DNAH6: variants seen among roughly 807,000 people sequenced by gnomAD.
DNAH6 encodes the protein dynein axonemal heavy chain 6.
A neutral mutation model predicts 491.4 loss-of-function variants in DNAH6; 340 were observed. The observed-to-expected ratio is 0.69, with a 90% CI of 0.63 to 0.76. The LOEUF (loss-of-function observed/expected upper bound fraction) is 0.76. Ranked by LOEUF, DNAH6 falls within the 30% of genes least tolerant of loss-of-function variation. DNAH6 has a pLI of 0.00. For missense variants in DNAH6, 4,443 were observed against 4,972.2 expected (o/e 0.89, Z 3.20); for synonymous variants, 1,603 against 1,686.1 (o/e 0.95, Z 1.21).
intron 54 of DNAH6, 137 bp downstream of exon 54, chr2:84,707,853 C>T: frequency 1.6e-6 from 1 of 644,858 alleles, no homozygotes; most frequent in East Asian, 2.7e-5. Context: ...ATATATTTCA[C>T]AGCGCTTCAC....
At chr2:84,653,214 A>G in intron 33 of DNAH6, 105 bp from the exon 34 acceptor site, 3 of 975,516 alleles carry the variant, frequency 3.1e-6, no homozygotes, top group Non-Finnish European at 4.4e-6. Flanking sequence ...GAAGAGAAAG[A>G]TCAATGAGAA....
chr2:84,613,946 T>C (rs536532978), intron 22 of DNAH6, among the ~76,000 whole-genome samples: 2 of 152,244 alleles, frequency 1.3e-5, no homozygotes, highest in Admixed American at 1.3e-4. Flanking sequence ...TACTTTAAAT[T>C]ATCTCGTTAT....
At chr2:84,585,961 G>A (rs1046334950) in intron 15 of DNAH6, among the ~76,000 whole-genome samples, 5 of 152,168 alleles carry the variant, frequency 3.3e-5, no homozygotes, top group South Asian at 2.1e-4. Flanking sequence ...GGGCCTCACC[G>A]GGGACCCACC....
At chr2:84,741,833 A>G (rs1380429330) in intron 62 of DNAH6, among the ~76,000 whole-genome samples, 3 of 152,166 alleles carry the variant, frequency 2.0e-5, no homozygotes, top group African/African-American at 7.2e-5. Context: ...TCTCTGTACA[A>G]TCTTTAGGCA....
In DNAH6 at chr2:84,659,057, A is replaced by G; in HGVS notation, c.5972A>G (p.Gln1991Arg). Residue 1991 changes from glutamine (Q) to arginine (R), a missense_variant, in exon 37 of 77, where the codon CAG (glutamine) becomes CGG (arginine). Coordinates refer to ENST00000389394, the MANE Select transcript of DNAH6 (RefSeq NM_001370.2). ...ACAAAATTGAACACTATACTATGTC[A>G]GACTTTTGTATTCTGTTATTTGTGG... ...EQTKLNTILC[Q>R]TFVFCYLWSL... The G allele has an allele frequency of 6.8e-7, 1 of 1,475,554 alleles. No homozygotes were observed. Among genetic ancestry groups the G allele is most frequent in the South Asian group, 1.3e-5 (1 of 79,786 alleles). 91.4% of individuals were successfully genotyped at this position (1,475,554 alleles called of 1,614,324 possible).
chr2:84,788,307 G>A (rs935501037), intron 68 of DNAH6, among the ~76,000 whole-genome samples: 2 of 152,094 alleles, frequency 1.3e-5, no homozygotes, highest in African/African-American at 4.8e-5. Flanking sequence ...CCCTCTCCTA[G>A]AATCCTTGAT....
intron 38 of DNAH6, among the ~76,000 whole-genome samples, chr2:84,669,909 C>G (rs540265352): frequency 2.6e-5 from 4 of 152,248 alleles, no homozygotes; most frequent in African/African-American, 9.6e-5. Context: ...GCAGTGGTAT[C>G]CTTGACTATT....
At position 84,727,824 on chromosome 2, in the gene DNAH6, T is replaced by C. The variant is rs1290256146; in HGVS notation, c.10128T>C (p.Val3376=). 6.4e-7 allele frequency: 1 copy of C among 1,551,872 alleles called. No individual in the cohort carries two copies. The highest frequency in any genetic ancestry group is 8.7e-7 in the Non-Finnish European group (1 of 1,146,828). The change falls in exon 61 of 77, where the codon GTT becomes GTC. Residue 3376 remains valine (V), a synonymous_variant. Transcript: ENST00000389394. ...TCATCTACAGCTTTATGCTTTGTGT[T>C]GAGATGATGCGTCAGCAAGGAACCC... The part of the protein sequence containing the change: ...HKLIYSFMLC[V]EMMRQQGTLS...
chr2:84,765,594 A>T (rs1675002236), intron 64 of DNAH6, among the ~76,000 whole-genome samples: 1 of 152,098 alleles, frequency 6.6e-6, no homozygotes, highest in African/African-American at 2.4e-5. Flanking sequence ...AATGATCTGT[A>T]GTTTCCAAAC....
chr2:84,603,436 G>C (rs2104275839), intron 18 of DNAH6, among the ~76,000 whole-genome samples: 1 of 152,122 alleles, frequency 6.6e-6, no homozygotes, highest in East Asian at 1.9e-4. Context: ...CTGACCTTGG[G>C]TCTTCCCTTT....
At chr2:84,666,279 G>T (rs1021195009) in intron 37 of DNAH6, among the ~76,000 whole-genome samples, 1 of 152,132 alleles carries the variant, frequency 6.6e-6, no homozygotes, top group African/African-American at 2.4e-5. Flanking sequence ...AAGAAATAAA[G>T]GGTATTCAAT....
At chr2:84,743,145 G>A (rs1160895128) in intron 62 of DNAH6, among the ~76,000 whole-genome samples, 12 of 151,810 alleles carry the variant, frequency 7.9e-5, no homozygotes. Flanking sequence ...GAAAGGGCTA[G>A]ATGGAGCCTC....
chr2:84,667,517 C>A (rs992040452), intron 37 of DNAH6, among the ~76,000 whole-genome samples: 31 of 152,106 alleles, frequency 2.0e-4, no homozygotes, highest in African/African-American at 7.2e-4. Context: ...TCATCACTGG[C>A]CATCAGACAA....
chr2:84,704,197 T>C lies in DNAH6; in HGVS notation c.8360T>C (p.Leu2787Pro). 6.4e-7 allele frequency: 1 copy of C among 1,552,052 alleles called. No individual in the cohort carries two copies. Among genetic ancestry groups the C allele is most frequent in the Non-Finnish European group, 8.7e-7 (1 of 1,147,060 alleles). The change falls in exon 51 of 77, where the codon CTG (leucine) becomes CCG (proline). Residue 2787 changes from leucine (L) to proline (P), a missense_variant. Physicochemically the swap from Leu to Pro is moderately conservative, Grantham distance 98. This residue lies in a region of DNAH6 where 1,463 missense variants were observed against 1,656.6 expected (regional missense o/e 0.88). Coordinates refer to ENST00000389394, the MANE Select transcript of DNAH6 (RefSeq NM_001370.2). ...LPALDAANKA[L>P]DSLDKADISE... is the part of the protein sequence containing the mutation. ...GCACTAGATGCTGCCAATAAAGCACTGGATTCCTTAGATAAGGCAGATATA... is the reference window on the plus strand; with the variant it reads ...GCACTAGATGCTGCCAATAAAGCACCGGATTCCTTAGATAAGGCAGATATA...
intron 62 of DNAH6, among the ~76,000 whole-genome samples, chr2:84,743,979 A>C (rs765474803): frequency 6.6e-5 from 10 of 152,182 alleles, no homozygotes; most frequent in East Asian, 1.9e-4. Context: ...TGGTTCTGCT[A>C]CCTGGTCTTC....
the DNAH6 span, among the ~76,000 whole-genome samples, chr2:84,490,232 G>A: frequency 1.0e-3 from 4 of 3,906 alleles, no homozygotes; most frequent in Non-Finnish European, 3.5e-3. Flanking sequence ...AAGTCTTAAC[G>A]CTTGGTTTTC....
At chr2:84,784,355 C>CA (rs1284263635) in intron 65 of DNAH6, among the ~76,000 whole-genome samples, 1 of 152,076 alleles carries the variant, frequency 6.6e-6, no homozygotes, top group African/African-American at 2.4e-5. Context: ...ATTGAAGGGT[C>CA]AAAAAATCCT....
intron 9 of DNAH6, among the ~76,000 whole-genome samples, chr2:84,551,267 A>G (rs538460954): frequency 6.6e-6 from 1 of 152,314 alleles, no homozygotes; most frequent in African/African-American, 2.4e-5. Context: ...TATAAATAGT[A>G]TCAAAATTTT....
At chr2:84,739,109 A>G (rs997028681) in intron 62 of DNAH6, among the ~76,000 whole-genome samples, 2 of 152,226 alleles carry the variant, frequency 1.3e-5, no homozygotes, top group African/African-American at 2.4e-5. Context: ...GCATGGAAGG[A>G]TATGAAATTC....
Sources: allele counts gnomAD v4.1 joint callset (sites outside exome capture counted in the v4.1 genomes callset), GRCh38; gene constraint gnomAD v4.1.1; regional missense constraint gnomAD v4.1.1; transcripts MANE v1.5; gene names NCBI Gene and HGNC (gene_info 2026-07-23, HGNC 2026-07-21).